ADAMTS19: variants seen among roughly 807,000 people sequenced by gnomAD.
ADAMTS19 encodes the protein A disintegrin and metalloproteinase with thrombospondin motifs 19.
A neutral mutation model predicts 153.3 loss-of-function variants in ADAMTS19; 93 were observed. The observed-to-expected ratio is 0.61, with a 90% CI of 0.51 to 0.72. The LOEUF is 0.72. Among genes scored for constraint, ADAMTS19 ranks in the 30% least tolerant of loss-of-function variants. The probability of loss-of-function intolerance (pLI) is 0.00; values close to 1 mark genes in which losing one functional copy is unlikely to be tolerated. For missense variants in ADAMTS19, 1,482 were observed against 1,552.1 expected (o/e 0.95, Z 0.76); for synonymous variants, 600 against 556.6 (o/e 1.08, Z -1.10).
At chr5:129,506,943 T>A (rs1034711555) in intron 2 of ADAMTS19, among the ~76,000 whole-genome samples, 7 of 151,832 alleles carry the variant, frequency 4.6e-5, no homozygotes, top group African/African-American at 1.7e-4. Context: ...CCCTATGAAG[T>A]TGGGGTTTGG....
chr5:129,658,112 T>C (rs1176563397), intron 14 of ADAMTS19, among the ~76,000 whole-genome samples: 1 of 151,732 alleles, frequency 6.6e-6, no homozygotes, highest in African/African-American at 2.4e-5. Flanking sequence ...TGGTGAAACC[T>C]TGTCTCAACA....
intron 2 of ADAMTS19, among the ~76,000 whole-genome samples, chr5:129,486,769 T>C (rs1016529702): frequency 6.6e-6 from 1 of 151,906 alleles, no homozygotes; most frequent in Admixed American, 6.6e-5. Context: ...AATAAATAAA[T>C]ACAGTAAAAT....
chr5:129,616,644 A>G (rs1214740785), intron 8 of ADAMTS19, among the ~76,000 whole-genome samples: 1 of 152,048 alleles, frequency 6.6e-6, no homozygotes, highest in Non-Finnish European at 1.5e-5. Context: ...TGACTTGACA[A>G]CCATGTACAA....
chr5:129,714,201 T>C (rs972332830), intron 21 of ADAMTS19, among the ~76,000 whole-genome samples: 20 of 151,048 alleles, frequency 1.3e-4, no homozygotes, highest in Admixed American at 6.6e-5. Context: ...GGGTGGATCA[T>C]GAGGTCAGGA....
At chr5:129,704,555 A>G (rs1208560278) in intron 21 of ADAMTS19, among the ~76,000 whole-genome samples, 164 bp downstream of exon 21, 1 of 152,216 alleles carries the variant, frequency 6.6e-6, no homozygotes, top group Non-Finnish European at 1.5e-5. Context: ...CATGATCTCT[A>G]TAAAACTGTG....
intron 11 of ADAMTS19, among the ~76,000 whole-genome samples, chr5:129,644,189 T>C (rs1196038698): frequency 6.6e-6 from 1 of 152,234 alleles, no homozygotes; most frequent in African/African-American, 2.4e-5. Context: ...GATAACTCTC[T>C]TAGAGGTTCT....
At chr5:129,643,017 A>T (rs1009066453) in intron 11 of ADAMTS19, among the ~76,000 whole-genome samples, 1 of 152,194 alleles carries the variant, frequency 6.6e-6, no homozygotes, top group African/African-American at 2.4e-5. Context: ...GTTGTTAAAA[A>T]ATGAGGGAGA....
chr5:129,540,222 G>A (rs1752610352), intron 6 of ADAMTS19, among the ~76,000 whole-genome samples: 1 of 152,058 alleles, frequency 6.6e-6, no homozygotes, highest in East Asian at 1.9e-4. Context: ...TTAATAGGAA[G>A]AAATTTTAGC....
At chr5:129,690,753 T>A (rs1755296762) in intron 18 of ADAMTS19, among the ~76,000 whole-genome samples, 2 of 152,104 alleles carry the variant, frequency 1.3e-5, no homozygotes, top group African/African-American at 4.8e-5. Context: ...GTATATTTAC[T>A]TTTGGTTCTC....
At chr5:129,664,534 A>G (rs1205606561) in intron 15 of ADAMTS19, among the ~76,000 whole-genome samples, 3 of 152,144 alleles carry the variant, frequency 2.0e-5, no homozygotes, top group Admixed American at 2.0e-4. Flanking sequence ...AATTCCAGCC[A>G]CTACCACCAG....
chr5:129,522,096 T>G (rs1231029868), intron 3 of ADAMTS19, among the ~76,000 whole-genome samples: 1 of 151,548 alleles, frequency 6.6e-6, no homozygotes, highest in Non-Finnish European at 1.5e-5. Context: ...AGCTATCACT[T>G]GTCACAGTTG....
rs188095282 is a variant in ADAMTS19 at position 129,698,048 on chromosome 5, A to G, written c.2954+3193A>G. Among the ~76,000 whole-genome samples the G allele has an allele frequency of 2.7e-3, 413 of 152,228 alleles. 2 individuals are homozygous for G. The highest frequency in any genetic ancestry group is 9.0e-3 in the African/African-American group (372 of 41,534). On this transcript the variant is annotated intron_variant, in intron 19 of 22. Coordinates refer to ENST00000274487, the MANE Select transcript of ADAMTS19 (RefSeq NM_133638.6). ...ACACTATTTATTTTTCATTCCCTGA[A>G]CTCAACTATCTTGGAGAAAAACGTC...
chr5:129,585,960 GTTTGT>G (rs1015795025), intron 7 of ADAMTS19, among the ~76,000 whole-genome samples: 7 of 151,850 alleles, frequency 4.6e-5, no homozygotes, highest in African/African-American at 1.7e-4. Flanking sequence ...GTTTTGTTCT[GTTTGT>G]TTTGTTTGAT....
At chr5:129,659,581 T>C (rs1328178389) in intron 15 of ADAMTS19, among the ~76,000 whole-genome samples, 1 of 152,166 alleles carries the variant, frequency 6.6e-6, no homozygotes, top group African/African-American at 2.4e-5. Context: ...CTCTTTTCTT[T>C]TTAAAATTAT....
At chr5:129,640,651 T>TC (rs1230556060) in intron 10 of ADAMTS19, among the ~76,000 whole-genome samples, 1 of 151,958 alleles carries the variant, frequency 6.6e-6, no homozygotes, top group African/African-American at 2.4e-5. Context: ...TTTACTACTC[T>TC]CCCCCATGAT....
At chr5:129,556,951 G>A (rs1161802554) in intron 7 of ADAMTS19, among the ~76,000 whole-genome samples, 1 of 152,110 alleles carries the variant, frequency 6.6e-6, no homozygotes, top group Non-Finnish European at 1.5e-5. Flanking sequence ...GATACCTTAA[G>A]CCACTGAATT....
At chr5:129,701,086 C>T (rs149632018) in intron 19 of ADAMTS19, among the ~76,000 whole-genome samples, 1 of 151,318 alleles carries the variant, frequency 6.6e-6, no homozygotes, top group African/African-American at 2.4e-5. Flanking sequence ...GTGGGTCTTT[C>T]CCGTGCTGTT....
At chr5:129,480,010 G>A (rs1006698259) in intron 2 of ADAMTS19, among the ~76,000 whole-genome samples, 4 of 152,060 alleles carry the variant, frequency 2.6e-5, no homozygotes, top group Admixed American at 1.3e-4. Flanking sequence ...AAACAATTCC[G>A]ACAAGAACAA....
At chr5:129,466,319 A>G (rs570327702) in intron 2 of ADAMTS19, among the ~76,000 whole-genome samples, 4 of 147,848 alleles carry the variant, frequency 2.7e-5, no homozygotes, top group South Asian at 2.1e-4. Flanking sequence ...CAGGAATATT[A>G]CATTTTGAAG....
Sources: gnomAD v4.1 joint callset for allele counts (sites outside exome capture counted in the v4.1 genomes callset) on GRCh38, gnomAD v4.1.1 for gene constraint, MANE v1.5 for transcripts, NCBI Gene and HGNC (gene_info 2026-07-23, HGNC 2026-07-21) for gene names.